ARHGAP10: variants seen among roughly 807,000 people sequenced by gnomAD.
ARHGAP10 encodes the protein Rho GTPase activating protein 10.
A neutral mutation model predicts 108.6 loss-of-function variants in ARHGAP10; 87 were observed. The observed-to-expected ratio is 0.80, with a 90% CI of 0.67 to 0.96. The LOEUF (loss-of-function observed/expected upper bound fraction) is 0.96, where lower values mean the gene tolerates loss of function less well. ARHGAP10 is among the 40% of genes least tolerant of loss of function. ARHGAP10 has a pLI of 0.00. For missense variants in ARHGAP10, 939 were observed against 954.5 expected (o/e 0.98, Z 0.21); for synonymous variants, 347 against 341.1 (o/e 1.02, Z -0.19).
chr4:147,751,052 G>T lies in ARHGAP10; in HGVS notation c.154+18597G>T, dbSNP rs552624738. 1.4e-3 allele frequency among the ~76,000 whole-genome samples: 215 copies of T among 151,880 alleles called. 1 individual carries two copies. The highest frequency in any genetic ancestry group is 2.6e-3 in the Non-Finnish European group (174 of 67,954). On this transcript the variant is annotated intron_variant, in intron 1 of 22. Transcript: ENST00000336498. ...AAATTAGCCGGGTGTGATGGTGCGTGCCTATAGTCCCATCTACGTGGGAGG... is the reference window on the plus strand; with the variant it reads ...AAATTAGCCGGGTGTGATGGTGCGTTCCTATAGTCCCATCTACGTGGGAGG...
At chr4:148,048,445 AT>A (rs1185943139) in intron 20 of ARHGAP10, among the ~76,000 whole-genome samples, 2 of 152,162 alleles carry the variant, frequency 1.3e-5, no homozygotes, top group Non-Finnish European at 2.9e-5. Context: ...ATCTGTGCAT[AT>A]TTTTTATGCT....
At chr4:147,876,043 T>C (rs59228616) in intron 8 of ARHGAP10, among the ~76,000 whole-genome samples, 2 of 152,322 alleles carry the variant, frequency 1.3e-5, no homozygotes, top group East Asian at 3.9e-4. Flanking sequence ...TACAGGACTT[T>C]CAATCCGACC....
At chr4:148,000,425 C>T (rs907675125) in intron 18 of ARHGAP10, among the ~76,000 whole-genome samples, 6 of 152,078 alleles carry the variant, frequency 3.9e-5, no homozygotes, top group African/African-American at 1.4e-4. Flanking sequence ...ATTTATAATC[C>T]TTTGTGTACA....
chr4:147,972,709 G>A (rs1454554028), intron 18 of ARHGAP10, among the ~76,000 whole-genome samples: 6 of 152,070 alleles, frequency 3.9e-5, no homozygotes, highest in Non-Finnish European at 7.4e-5. Flanking sequence ...GGCTAGTGAT[G>A]TGAGCTCATG....
intron 3 of ARHGAP10, among the ~76,000 whole-genome samples, chr4:147,839,091 C>T (rs1194170298): frequency 2.1e-5 from 3 of 139,648 alleles, no homozygotes; most frequent in South Asian, 2.3e-4. Context: ...TTAGATCTAT[C>T]GTATCTATCT....
rs144141624 is a variant in ARHGAP10, at chr4:147,977,295, G to A, written c.1716+10456G>A. 2.0e-4 allele frequency among the ~76,000 whole-genome samples: 31 copies of A among 152,298 alleles called. No homozygotes were observed. In the East Asian group the frequency reaches 4.2e-3, roughly 21 times the overall value. On this transcript the variant is annotated intron_variant, in intron 18 of 22. Transcript: ENST00000336498. ...AGAATGAGAGGGCGAGTGTGGTGGC[G>A]TATGTGTAGGTCGGCTCCAGGGAAG...
At chr4:148,044,603 C>T (rs1036760315) in intron 19 of ARHGAP10, among the ~76,000 whole-genome samples, 2 of 152,106 alleles carry the variant, frequency 1.3e-5, no homozygotes, top group Admixed American at 6.5e-5. Context: ...CTCTGGACTC[C>T]GTTCTGGGGT....
Position 147,864,915 on chromosome 4 carries a change from C to A in ARHGAP10, c.556C>A (p.Gln186Lys). The A allele has an allele frequency of 6.2e-7, 1 of 1,614,074 alleles. No homozygotes were observed. Among genetic ancestry groups the A allele is most frequent in the Non-Finnish European group, 8.5e-7 (1 of 1,179,972 alleles). ...ELSLEYVCKL[Q>K]EIQERKKFEF... ...GTCTCTCGAGTATGTGTGTAAGCTGCAGGAAATCCAAGAAAGAAAGAAGTT... is the reference window on the plus strand; with the variant it reads ...GTCTCTCGAGTATGTGTGTAAGCTGAAGGAAATCCAAGAAAGAAAGAAGTT... Residue 186 changes from glutamine (Q) to lysine (K), a missense_variant, in exon 6 of 23, where the codon CAG (glutamine) becomes AAG (lysine). Coordinates refer to ENST00000336498, the MANE Select transcript of ARHGAP10 (RefSeq NM_024605.4).
intron 20 of ARHGAP10, among the ~76,000 whole-genome samples, chr4:148,048,688 G>T (rs1728994291): frequency 6.6e-6 from 1 of 152,160 alleles, no homozygotes; most frequent in Non-Finnish European, 1.5e-5. Context: ...AATATCACAG[G>T]CAGTGGAGTG....
intron 1 of ARHGAP10, among the ~76,000 whole-genome samples, chr4:147,810,172 C>T (rs1315610098): frequency 6.6e-6 from 1 of 152,202 alleles, no homozygotes; most frequent in Non-Finnish European, 1.5e-5. Flanking sequence ...CCTACCATTA[C>T]AGGCGAGAGA....
At chr4:147,879,090 T>A in intron 8 of ARHGAP10, 142 bp from the exon 9 acceptor site, 2 of 597,508 alleles carry the variant, frequency 3.3e-6, no homozygotes, top group Admixed American at 6.5e-5. Context: ...TTCTTAGAAC[T>A]AGCAGTATTG....
At chr4:147,865,153 G>T in intron 6 of ARHGAP10, 197 bp downstream of exon 6, 1 of 524,412 alleles carries the variant, frequency 1.9e-6, no homozygotes, top group Non-Finnish European at 3.4e-6. Flanking sequence ...AGCTGTATTT[G>T]CACTGATAAT....
At chr4:148,066,178 T>G (rs1003910626) in intron 22 of ARHGAP10, among the ~76,000 whole-genome samples, 5 of 152,152 alleles carry the variant, frequency 3.3e-5, no homozygotes, top group African/African-American at 1.2e-4. Context: ...ACTACCACAG[T>G]TCCATGTATC....
chr4:147,906,591 C>G, intron 10 of ARHGAP10, 47 bp from the exon 11 acceptor site: 3 of 1,593,904 alleles, frequency 1.9e-6, no homozygotes, highest in East Asian at 4.5e-5. Context: ...AAAAACTTGC[C>G]TTTTAGTGGC....
chr4:148,018,246 G>A (rs1741424502), intron 18 of ARHGAP10, among the ~76,000 whole-genome samples: 1 of 152,108 alleles, frequency 6.6e-6, no homozygotes. Context: ...TAGAACAAAG[G>A]CAATGAGAGG....
intron 1 of ARHGAP10, among the ~76,000 whole-genome samples, chr4:147,801,762 G>C (rs547056526): frequency 7.9e-5 from 12 of 152,212 alleles, no homozygotes; most frequent in Admixed American, 7.9e-4. Context: ...TCAGGTCATC[G>C]CTGTTTACTC....
At chr4:148,015,013 C>T (rs1486015232) in intron 18 of ARHGAP10, among the ~76,000 whole-genome samples, 4 of 152,046 alleles carry the variant, frequency 2.6e-5, no homozygotes, top group Non-Finnish European at 4.4e-5. Flanking sequence ...GGATGGGTGA[C>T]CACTGGCAGG....
intron 18 of ARHGAP10, among the ~76,000 whole-genome samples, chr4:148,014,259 G>GT: frequency 6.6e-6 from 1 of 152,216 alleles, no homozygotes. Flanking sequence ...AAGAGTATTT[G>GT]TAGACATTTG....
intron 10 of ARHGAP10, among the ~76,000 whole-genome samples, chr4:147,902,028 T>G (rs1366576764): frequency 1.3e-5 from 2 of 152,234 alleles, no homozygotes; most frequent in East Asian, 3.9e-4. Flanking sequence ...GGTTCGTGAT[T>G]GTCACTGAAT....
Sources: allele counts gnomAD v4.1 joint callset (sites outside exome capture counted in the v4.1 genomes callset), GRCh38; gene constraint gnomAD v4.1.1; transcripts MANE v1.5; gene names NCBI Gene and HGNC (gene_info 2026-07-23, HGNC 2026-07-21).